DNAH9: variants seen among roughly 807,000 people sequenced by gnomAD.
The protein encoded by DNAH9 is dynein axonemal heavy chain 9.
A neutral mutation model predicts 471.6 loss-of-function variants in DNAH9; 345 were observed. The ratio of observed to expected loss-of-function variants is 0.73; its 90% confidence interval spans 0.67 to 0.80. DNAH9 has a LOEUF of 0.80. DNAH9 is among the 30% of genes least tolerant of loss of function. The pLI is 0.00. For synonymous variants in DNAH9, 2,093 were observed against 2,123.6 expected (o/e 0.99, Z 0.40); for missense variants, 5,407 against 5,609.2 (o/e 0.96, Z 1.15).
In DNAH9 at chr17:11,769,103, T is replaced by G. The variant is rs368180595; in HGVS notation, c.7345-19T>G. The G allele has an allele frequency of 6.2e-6, 10 of 1,613,730 alleles. No individual in the cohort carries two copies. Among genetic ancestry groups the G allele is most frequent in the Non-Finnish European group, 7.6e-6 (9 of 1,179,812 alleles). ...CCCTAGAGCCCACCCTTGGCAGGCT[T>G]ATTGTGCTCCCATTCCAGGCGTGTT... On this transcript the variant is annotated intron_variant, in intron 37 of 68. Transcript: ENST00000262442.
chr17:11,860,505 A>AT (rs1971804271), intron 50 of DNAH9, among the ~76,000 whole-genome samples: 1 of 151,686 alleles, frequency 6.6e-6, no homozygotes, highest in Non-Finnish European at 1.5e-5. Flanking sequence ...TGAGTTGCTA[A>AT]TTTTTTGTGC....
intron 14 of DNAH9, among the ~76,000 whole-genome samples, chr17:11,654,760 G>T (rs937662458): frequency 6.6e-6 from 1 of 151,930 alleles, no homozygotes; most frequent in African/African-American, 2.4e-5. Flanking sequence ...TCCATTTCAT[G>T]TAATTCTCAT....
rs761081424 is a variant in DNAH9, at chr17:11,598,948, A to G, written c.417+33A>G. 183 of 1,109,542 alleles carry G rather than the reference A, an allele frequency of 1.6e-4. No homozygotes were observed. In the African/African-American group the frequency reaches 1.7e-3, roughly 10 times the overall value. The allele number at this position is 1,109,542 out of a possible 1,614,324, so 68.7% of individuals were successfully genotyped here. A position where few individuals can be genotyped will look rare whatever the true frequency, so the allele number is the denominator to read the frequency against. On this transcript the variant is annotated intron_variant, in intron 1 of 68. Coordinates refer to ENST00000262442, the MANE Select transcript of DNAH9 (RefSeq NM_001372.4). ...TGGGTTAGTGTCCCCGCGCGGCTAAAGCTGGGTGGGGGAGGGGAGGAGGAG... is the reference window on the plus strand; with the variant it reads ...TGGGTTAGTGTCCCCGCGCGGCTAAGGCTGGGTGGGGGAGGGGAGGAGGAG...
chr17:11,600,792 C>T (rs11868993), intron 1 of DNAH9, among the ~76,000 whole-genome samples: 152 of 152,260 alleles, frequency 1.0e-3, no homozygotes, highest in African/African-American at 3.5e-3. Flanking sequence ...GGAGTTATTC[C>T]TTAGGGTAAT....
chr17:11,950,854 T>C (rs1975337037), intron 67 of DNAH9, among the ~76,000 whole-genome samples: 1 of 152,056 alleles, frequency 6.6e-6, no homozygotes, highest in African/African-American at 2.4e-5. Flanking sequence ...TCCATCTGAG[T>C]TCATCTTATC....
intron 35 of DNAH9, among the ~76,000 whole-genome samples, chr17:11,762,783 T>TTG (rs1967757074): frequency 3.7e-5 from 5 of 133,770 alleles, no homozygotes; most frequent in Admixed American, 8.0e-5. Flanking sequence ...TTTTTTTTTT[T>TTG]TTTTTTTTTT....
chr17:11,961,606 T>A (rs1690446687), intron 67 of DNAH9, among the ~76,000 whole-genome samples: 1 of 152,158 alleles, frequency 6.6e-6, no homozygotes. Flanking sequence ...TGAAACACTG[T>A]GAGTAGAACA....
chr17:11,849,610 G>A (rs1279313609), intron 49 of DNAH9, among the ~76,000 whole-genome samples: 1 of 152,198 alleles, frequency 6.6e-6, no homozygotes, highest in Non-Finnish European at 1.5e-5. Context: ...AGTCTGTAGA[G>A]CTGGCCATTT....
At chr17:11,719,616 AG>A (rs1369905888) in intron 27 of DNAH9, 126 bp downstream of exon 27, 1 of 919,712 alleles carries the variant, frequency 1.1e-6, no homozygotes, top group East Asian at 2.5e-5. Flanking sequence ...CCAGATCAGG[AG>A]GTCTCAGTTT....
chr17:11,879,765 C>A (rs1464182349), intron 53 of DNAH9, among the ~76,000 whole-genome samples: 1 of 152,062 alleles, frequency 6.6e-6, no homozygotes, highest in Non-Finnish European at 1.5e-5. Context: ...CCATATGAAT[C>A]TAATACTCTC....
At chr17:11,646,071 G>A (rs1454530396) in intron 11 of DNAH9, among the ~76,000 whole-genome samples, 3 of 151,856 alleles carry the variant, frequency 2.0e-5, no homozygotes, top group African/African-American at 7.3e-5. Flanking sequence ...TGTAGAGACA[G>A]GGTTTTACCG....
chr17:11,913,697 G>A (rs1973857000), intron 61 of DNAH9, among the ~76,000 whole-genome samples: 1 of 151,678 alleles, frequency 6.6e-6, no homozygotes. Flanking sequence ...CAGGAGAATG[G>A]CATGAACCCA....
chr17:11,719,587 C>A (rs530142593), intron 27 of DNAH9, 97 bp downstream of exon 27: 47 of 1,181,298 alleles, frequency 4.0e-5, no homozygotes, highest in South Asian at 2.8e-4. Context: ...CCTGACCCAG[C>A]TTCCCCAGGT....
At chr17:11,852,579 G>T (rs1037288175) in intron 49 of DNAH9, among the ~76,000 whole-genome samples, 1 of 151,894 alleles carries the variant, frequency 6.6e-6, no homozygotes. Flanking sequence ...GCAGCCCCTG[G>T]TTCTTCAGAT....
In DNAH9 at chr17:11,892,317, A is replaced by G. The variant is rs1973078208; in HGVS notation, c.11283+370A>G. On this transcript the variant is annotated intron_variant, in intron 58 of 68. Transcript: ENST00000262442. This position sits in a 1 kb window ranked among gnomAD's most constrained non-coding sequence, Gnocchi z 4.3. ...TGAAATGCTGTAAGAAATTTGGTAG[A>G]GTATCCATCATTGTTTATTTACCTT... 6.6e-6 allele frequency among the ~76,000 whole-genome samples: 1 copy of G among 152,198 alleles called. No homozygotes were observed. Among genetic ancestry groups the G allele is most frequent in the African/African-American group, 2.4e-5 (1 of 41,460 alleles).
At chr17:11,629,675 G>A in intron 7 of DNAH9, 91 bp downstream of exon 7, 2 of 1,203,522 alleles carry the variant, frequency 1.7e-6, no homozygotes, top group Non-Finnish European at 1.2e-6. Context: ...CATTTTCCCT[G>A]TGTATTTCCT....
At position 11,781,110 on chromosome 17, in the gene DNAH9, G is replaced by A; in HGVS notation, c.7654G>A (p.Val2552Met). The change falls in exon 39 of 69, where the codon GTG becomes ATG. Residue 2552 changes from valine to methionine, a missense_variant. Coordinates refer to ENST00000262442, the MANE Select transcript of DNAH9 (RefSeq NM_001372.4). ...YFIDDMNMPE[V>M]DAYGTVQPHT... ...CATTGATGACATGAACATGCCTGAGGTGGATGCCTACGGGACGGTGCAGCC... is the reference window on the plus strand; with the variant it reads ...CATTGATGACATGAACATGCCTGAGATGGATGCCTACGGGACGGTGCAGCC... 6.2e-7 allele frequency: 1 copy of A among 1,614,202 alleles called. No individual in the cohort carries two copies.
chr17:11,659,386 A>C lies in DNAH9; in HGVS notation c.2596-5447A>C, dbSNP rs554433555. Among the ~76,000 whole-genome samples the C allele has an allele frequency of 7.2e-5, 11 of 152,290 alleles. No homozygotes were observed. The East Asian group carries it at 2.1e-3, about 29-fold the overall frequency. On this transcript the variant is annotated intron_variant, in intron 14 of 68. Coordinates refer to ENST00000262442, the MANE Select transcript of DNAH9 (RefSeq NM_001372.4). Reference sequence around the variant, plus strand: ...GAACATGTCCTGCTTCCAGGGTCTAAAACCCCTTGTGGCCTATGGAACACC... The same window carrying C: ...GAACATGTCCTGCTTCCAGGGTCTACAACCCCTTGTGGCCTATGGAACACC...
chr17:11,617,242 T>C (rs758023162), intron 4 of DNAH9, among the ~76,000 whole-genome samples, 169 bp from the exon 5 acceptor site: 4 of 152,110 alleles, frequency 2.6e-5, no homozygotes, highest in Non-Finnish European at 4.4e-5. Flanking sequence ...TCCTAGTTGT[T>C]CAGGGCTCTC....
Sources: allele counts gnomAD v4.1 joint callset (sites outside exome capture counted in the v4.1 genomes callset), GRCh38; gene constraint gnomAD v4.1.1; non-coding constraint Gnocchi (gnomAD v3.1); transcripts MANE v1.5; gene names NCBI Gene and HGNC (gene_info 2026-07-23, HGNC 2026-07-21).